The following PRDM14 variants were observed in gnomAD, a reference collection of about 807,000 sequenced individuals.
PRDM14 encodes the protein PR/SET domain 14.
In PRDM14, 16 loss-of-function variants were observed where a neutral mutation model predicts 48.0. That is an observed-to-expected ratio of 0.33 (90% CI 0.23 to 0.51). The LOEUF is 0.51. Ranked by LOEUF, PRDM14 falls within the 20% of genes least tolerant of loss-of-function variation. The pLI, the probability that PRDM14 is intolerant of heterozygous loss-of-function variation, is 0.97. For missense variants in PRDM14, 566 were observed against 719.6 expected, an observed-to-expected ratio of 0.79 and a Z score of 2.44; for synonymous variants, 264 against 276.6, an observed-to-expected ratio of 0.95 and a Z score of 0.45.
intron 2 of PRDM14, 76 bp downstream of exon 2, chr8:70,069,085 G>A (rs1214279549): frequency 3.4e-6 from 4 of 1,172,896 alleles, no homozygotes; most frequent in South Asian, 2.0e-5. Flanking sequence ...ACCTGGAAGC[G>A]CCTCTTCCCG....
At position 70,069,491 on chromosome 8, in the gene PRDM14, C is replaced by T. The variant is rs1585655571; in HGVS notation, c.370G>A (p.Ala124Thr). Reference sequence around the variant, plus strand: ...TGGTGGCCCAGATCTTCACTGCTGGCACCCGCGTACTCGTGGCTGCTGCTC... The same window carrying T: ...TGGTGGCCCAGATCTTCACTGCTGGTACCCGCGTACTCGTGGCTGCTGCTC... ...FLSSSHEYAG[A>T]SSEDLGHQII... The change falls in exon 2 of 8, where the codon GCC becomes ACC. Residue 124 changes from alanine to threonine, a missense_variant. Physicochemically the swap from Ala to Thr is moderately conservative, Grantham distance 58. Transcript: ENST00000276594. The T allele has an allele frequency of 6.3e-7, 1 of 1,587,454 alleles. No individual in the cohort carries two copies. The highest frequency in any genetic ancestry group is 1.2e-5 in the South Asian group (1 of 86,352).
chr8:70,068,909 T>C (rs1175375056), intron 2 of PRDM14, among the ~76,000 whole-genome samples: 1 of 152,222 alleles, frequency 6.6e-6, no homozygotes, highest in Non-Finnish European at 1.5e-5. Flanking sequence ...AATCTGAACC[T>C]ACCTGGGAGT....
rs1446694210 is a variant in PRDM14, at chr8:70,052,148, T to A, written c.1645A>T (p.Ser549Cys). Reference sequence around the variant, plus strand: ...TCTGAGAAGATTTTCCCACAGATGCTGCATGAGCAGCCATCATCCTCCTTG... The same window carrying A: ...TCTGAGAAGATTTTCCCACAGATGCAGCATGAGCAGCCATCATCCTCCTTG... ...SHKEDDGCSC[S>C]ICGKIFSDQE... is the part of the protein sequence containing the mutation. The change falls in exon 8 of 8, where the codon AGC becomes TGC. Residue 549 changes from serine to cysteine, a missense_variant. By Grantham distance (112) the Ser-to-Cys change is moderately radical. Transcript: ENST00000276594. 1 of 1,613,166 alleles carries A rather than the reference T, an allele frequency of 6.2e-7. No homozygotes were observed. Among genetic ancestry groups the A allele is most frequent in the Non-Finnish European group, 8.5e-7 (1 of 1,179,898 alleles).
chr8:70,059,159 T>A (rs910511679), intron 5 of PRDM14, among the ~76,000 whole-genome samples: 8 of 152,142 alleles, frequency 5.3e-5, no homozygotes, highest in African/African-American at 1.9e-4. Flanking sequence ...TTCATCATGT[T>A]GGCCAGGCTG....
At chr8:70,066,560 TA>T (rs1805673225) in intron 4 of PRDM14, 55 bp from the exon 5 acceptor site, 4 of 1,438,166 alleles carry the variant, frequency 2.8e-6, no homozygotes, top group Non-Finnish European at 3.8e-6. Flanking sequence ...GTCTAATCTA[TA>T]AAATAAATTT....
chr8:70,056,484 A>ATTTTTATTTAT (rs1425939259), intron 6 of PRDM14, among the ~76,000 whole-genome samples: 2 of 152,072 alleles, frequency 1.3e-5, no homozygotes, highest in African/African-American at 4.8e-5. Context: ...TTATTTATTT[A>ATTTTTATTTAT]TTTTTATTTA....
At chr8:70,064,521 T>C (rs6992772) in intron 5 of PRDM14, among the ~76,000 whole-genome samples, 81,630 of 148,742 alleles carry the variant, frequency 0.55, 24,755 homozygotes, top group East Asian at 0.94. Context: ...AGATGCAATT[T>C]ACTTTTTTTT....
chr8:70,058,575 G>T, intron 6 of PRDM14, 65 bp downstream of exon 6: 1 of 1,438,040 alleles, frequency 7.0e-7, no homozygotes. Context: ...GCAACTCCCC[G>T]TGTTCAGGAG....
chr8:70,055,345 T>C lies in PRDM14; in HGVS notation c.1443A>G (p.Arg481=), dbSNP rs1260486856. The change falls in exon 7 of 8, where the codon CGA becomes CGG. Residue 481 remains arginine, a synonymous_variant. Coordinates refer to ENST00000276594, the MANE Select transcript of PRDM14 (RefSeq NM_024504.4). Reference sequence around the variant, plus strand: ...GGTATGGTCTGTCTCCAGAGTGGACTCGCATGTGTTTGTTTAGGCTGGAAG... The same window carrying C: ...GGTATGGTCTGTCTCCAGAGTGGACCCGCATGTGTTTGTTTAGGCTGGAAG... The part of the protein sequence containing the change: ...SQSSSLNKHM[R]VHSGDRPYQC... The C allele has an allele frequency of 6.2e-7, 1 of 1,610,070 alleles. No homozygotes were observed. The highest frequency in any genetic ancestry group is 8.5e-7 in the Non-Finnish European group (1 of 1,176,376).
At position 70,068,324 on chromosome 8, in the gene PRDM14, A is replaced by G. The variant is rs986269758; in HGVS notation, c.818T>C (p.Phe273Ser). The change falls in exon 4 of 8, where the codon TTT becomes TCT. Residue 273 changes from phenylalanine to serine, a missense_variant. Physicochemically the swap from Phe to Ser is radical, Grantham distance 155. Coordinates refer to ENST00000276594, the MANE Select transcript of PRDM14 (RefSeq NM_024504.4). ...CCCAAACCTGACTCCTTTGGCGATA[A>G]AACTACTGCAGAACACACCAAAATG... ...VPHFGVFCSS[F>S]IAKGVRFGPF... 1.9e-6 allele frequency: 3 copies of G among 1,614,216 alleles called. No individual in the cohort carries two copies. The Admixed American group carries it at 5.0e-5, about 27-fold the overall frequency.
chr8:70,060,295 G>A (rs558755250), intron 5 of PRDM14, among the ~76,000 whole-genome samples: 31 of 150,364 alleles, frequency 2.1e-4, no homozygotes, highest in South Asian at 8.4e-4. Flanking sequence ...CCCAGAGGCC[G>A]AGATGGGAGG....
intron 6 of PRDM14, among the ~76,000 whole-genome samples, chr8:70,056,243 G>A (rs560000846): frequency 3.9e-5 from 6 of 152,300 alleles, no homozygotes; most frequent in South Asian, 2.1e-4. Context: ...AACTCCTCTC[G>A]AAACTGTCTC....
intron 3 of PRDM14, 35 bp from the exon 4 acceptor site, chr8:70,068,422 G>A: frequency 6.2e-7 from 1 of 1,614,094 alleles, no homozygotes; most frequent in Non-Finnish European, 8.5e-7. Flanking sequence ...AGAGAATGAG[G>A]AGAGTTGACT....
intron 7 of PRDM14, among the ~76,000 whole-genome samples, chr8:70,053,098 TAAAAAAAAAAAA>T (rs71275048): frequency 9.7e-5 from 8 of 82,168 alleles, no homozygotes; most frequent in Admixed American, 3.4e-4. Flanking sequence ...ACCCTCTCTT[TAAAAAAAAAAAA>T]AAAAAAAAAA....
chr8:70,068,523 G>T lies in PRDM14; in HGVS notation c.710C>A (p.Ser237Tyr). The T allele has an allele frequency of 5.6e-6, 9 of 1,614,066 alleles. No homozygotes were observed. The highest frequency in any genetic ancestry group is 7.6e-6 in the Non-Finnish European group (9 of 1,179,964). Residue 237 changes from serine to tyrosine, a missense_variant, in exon 3 of 8, where the codon TCT (serine) becomes TAT (tyrosine). Transcript: ENST00000276594. ...GTCTTTATCCAGAGTTTGAGGAAGA[G>T]AATCAGATCCTAGCAAAAGGCAGGT... ...LVPPDSSGSD[S>Y]LPQTLDKDSL...
intron 5 of PRDM14, among the ~76,000 whole-genome samples, chr8:70,064,390 C>T (rs1805631946): frequency 1.3e-5 from 2 of 151,986 alleles, no homozygotes; most frequent in South Asian, 4.1e-4. Flanking sequence ...CTTTTTCTAG[C>T]TTAGTTCTAA....
intron 4 of PRDM14, among the ~76,000 whole-genome samples, chr8:70,067,722 T>C (rs780396675): frequency 6.6e-6 from 1 of 152,134 alleles, no homozygotes; most frequent in Non-Finnish European, 1.5e-5. Context: ...TTTTAAGGTA[T>C]CTGATACATT....
At chr8:70,063,711 C>T (rs1337838686) in intron 5 of PRDM14, among the ~76,000 whole-genome samples, 3 of 151,966 alleles carry the variant, frequency 2.0e-5, no homozygotes, top group Non-Finnish European at 4.4e-5. Flanking sequence ...TTAGTAGAGA[C>T]GGAGTTTCAC....
At chr8:70,061,537 C>G (rs955015074) in intron 5 of PRDM14, among the ~76,000 whole-genome samples, 2 of 152,174 alleles carry the variant, frequency 1.3e-5, no homozygotes, top group African/African-American at 4.8e-5. Flanking sequence ...CATTGAGGTG[C>G]TAATACTCTC....
Sources: gnomAD v4.1 joint callset for allele counts (sites outside exome capture counted in the v4.1 genomes callset) on GRCh38, gnomAD v4.1.1 for gene constraint, MANE v1.5 for transcripts, NCBI Gene and HGNC (gene_info 2026-07-23, HGNC 2026-07-21) for gene names.